Variants in RARB observed in about 807,000 individuals in gnomAD.
RARB encodes HBV-activated protein.
A neutral mutation model predicts 51.9 loss-of-function variants in RARB; 17 were observed. That is an observed-to-expected ratio of 0.33 (90% CI 0.22 to 0.49). The LOEUF (loss-of-function observed/expected upper bound fraction) is 0.49, where lower values mean the gene tolerates loss of function less well. RARB is among the 20% of genes least tolerant of loss of function. RARB has a pLI of 0.99. For missense variants in RARB, 369 were observed against 550.8 expected, an observed-to-expected ratio of 0.67 and a Z score of 3.30; for synonymous variants, 215 against 195.4, an observed-to-expected ratio of 1.10 and a Z score of -0.84.
chr3:25,502,949 C>A (rs1697392272), intron 3 of RARB, among the ~76,000 whole-genome samples: 1 of 152,176 alleles, frequency 6.6e-6, no homozygotes, highest in Non-Finnish European at 1.5e-5. Flanking sequence ...AAGAAGAACC[C>A]ATTACAGCTT....
chr3:24,859,498 T>C (rs1702701383), intron 2 of RARB, among the ~76,000 whole-genome samples: 1 of 152,142 alleles, frequency 6.6e-6, no homozygotes, highest in African/African-American at 2.4e-5. Flanking sequence ...GCAGCTCTCT[T>C]GCTTTAGAAG....
chr3:25,264,508 T>C (rs1393016148), intron 5 of RARB, among the ~76,000 whole-genome samples: 1 of 152,208 alleles, frequency 6.6e-6, no homozygotes. Context: ...TGAATAGCTT[T>C]CTTAAGATTA....
chr3:25,108,055 G>A (rs931341323), intron 3 of RARB, among the ~76,000 whole-genome samples: 17 of 152,052 alleles, frequency 1.1e-4, no homozygotes, highest in Non-Finnish European at 2.4e-4. Flanking sequence ...TCTGATCACC[G>A]AGCTCTATTA....
chr3:25,428,232 A>G, upstream of RARB: 1 of 1,230,990 alleles, frequency 8.1e-7, no homozygotes, highest in Non-Finnish European at 1.0e-6. Flanking sequence ...GTTCACTCGC[A>G]TATATTAGGC....
intron 5 of RARB, among the ~76,000 whole-genome samples, chr3:25,358,920 G>A (rs1296038916): frequency 6.6e-6 from 1 of 151,874 alleles, no homozygotes; most frequent in African/African-American, 2.4e-5. Context: ...TGTTCATCAG[G>A]GATATTGGCC....
At chr3:25,054,100 T>A (rs1698391896) in intron 2 of RARB, among the ~76,000 whole-genome samples, 1 of 152,110 alleles carries the variant, frequency 6.6e-6, no homozygotes, top group Admixed American at 6.6e-5. Context: ...AGCTAAAACC[T>A]ATGAATAAAC....
At chr3:24,972,003 C>T (rs576429278) in intron 2 of RARB, among the ~76,000 whole-genome samples, 11 of 144,460 alleles carry the variant, frequency 7.6e-5, no homozygotes, top group Admixed American at 1.4e-4. Context: ...TAGGAACATT[C>T]GAGTTATTCT....
chr3:25,570,862 G>A (rs1048853073), intron 4 of RARB, among the ~76,000 whole-genome samples: 1 of 152,064 alleles, frequency 6.6e-6, no homozygotes, highest in Non-Finnish European at 1.5e-5. Context: ...TGTAGCACTT[G>A]CTGGCTTGGT....
At chr3:25,494,253 G>GCGCGCGCACTCACACA (rs1553623183) in intron 2 of RARB, among the ~76,000 whole-genome samples, 7 of 131,968 alleles carry the variant, frequency 5.3e-5, no homozygotes, top group Admixed American at 3.7e-4. Flanking sequence ...TGTATCTTAC[G>GCGCGCGCACTCACACA]CACACACACA....
At chr3:25,258,863 T>G (rs1702930098) in intron 5 of RARB, among the ~76,000 whole-genome samples, 1 of 152,096 alleles carries the variant, frequency 6.6e-6, no homozygotes, top group Non-Finnish European at 1.5e-5. Context: ...TCAGTCTTAA[T>G]AGAGGTCCCT....
At chr3:25,280,739 C>T (rs1157174154) in intron 5 of RARB, among the ~76,000 whole-genome samples, 2 of 152,200 alleles carry the variant, frequency 1.3e-5, no homozygotes, top group African/African-American at 2.4e-5. Context: ...TTTCACCTTC[C>T]GTTGTATTCT....
chr3:25,053,104 G>A (rs903438498), intron 2 of RARB, among the ~76,000 whole-genome samples: 1 of 152,120 alleles, frequency 6.6e-6, no homozygotes, highest in African/African-American at 2.4e-5. Context: ...GAAAAGAAGT[G>A]GAGTAGGCTG....
intron 5 of RARB, among the ~76,000 whole-genome samples, chr3:25,265,803 C>T (rs1228330743): frequency 1.3e-5 from 2 of 152,104 alleles, no homozygotes; most frequent in Non-Finnish European, 2.9e-5. Flanking sequence ...TTCTGAAGGT[C>T]GGAAATCCAA....
intron 3 of RARB, among the ~76,000 whole-genome samples, chr3:25,064,116 A>G (rs1311220387): frequency 6.6e-6 from 1 of 152,134 alleles, no homozygotes; most frequent in Non-Finnish European, 1.5e-5. Flanking sequence ...AATTTTGATG[A>G]TTGCTTTAGT....
chr3:24,933,172 G>T (rs1695477122), intron 2 of RARB, among the ~76,000 whole-genome samples: 1 of 151,848 alleles, frequency 6.6e-6, no homozygotes, highest in Non-Finnish European at 1.5e-5. Context: ...ATAAAAATAT[G>T]CAAATCCTAT....
chr3:25,592,755 A>G (rs1416153201), intron 5 of RARB, among the ~76,000 whole-genome samples: 1 of 152,120 alleles, frequency 6.6e-6, no homozygotes, highest in African/African-American at 2.4e-5. Flanking sequence ...TCCTGCCTAC[A>G]CTTTAGGGTT....
At chr3:25,419,521 A>G (rs1038392038) in intron 5 of RARB, among the ~76,000 whole-genome samples, 3 of 152,158 alleles carry the variant, frequency 2.0e-5, no homozygotes, top group Non-Finnish European at 4.4e-5. Flanking sequence ...TATCTGTCAT[A>G]CCAAGTTCTC....
intron 2 of RARB, among the ~76,000 whole-genome samples, chr3:24,949,386 C>A (rs535941001): frequency 1.3e-5 from 2 of 152,214 alleles, no homozygotes; most frequent in Non-Finnish European, 2.9e-5. Flanking sequence ...AGTAGGTAGA[C>A]CTTCAATTCG....
At chr3:24,835,332 C>T (rs1457730148) in intron 1 of RARB, among the ~76,000 whole-genome samples, 1 of 152,156 alleles carries the variant, frequency 6.6e-6, no homozygotes, top group East Asian at 1.9e-4. Context: ...TTTTCCAATA[C>T]TGTTGTTTTT....
Sources: allele counts gnomAD v4.1 joint callset (sites outside exome capture counted in the v4.1 genomes callset), GRCh38; gene constraint gnomAD v4.1.1; transcripts MANE v1.5; gene names NCBI Gene and HGNC (gene_info 2026-07-23, HGNC 2026-07-21).